Variants in MRC2 observed in about 807,000 individuals in gnomAD.
MRC2 encodes the protein mannose receptor C-type 2.
In MRC2, 84 loss-of-function variants were observed where a neutral mutation model predicts 206.2. The observed-to-expected ratio is 0.41, with a 90% CI of 0.34 to 0.49. MRC2 has a LOEUF of 0.49. Among genes scored for constraint, MRC2 ranks in the 20% least tolerant of loss-of-function variants. MRC2 has a pLI of 0.31. For missense variants in MRC2, 1,676 were observed against 2,001.5 expected, an observed-to-expected ratio of 0.84 and a Z score of 3.10; for synonymous variants, 798 against 800.0, an observed-to-expected ratio of 1.00 and a Z score of 0.04.
intron 23 of MRC2, 113 bp downstream of exon 23, chr17:62,689,073 T>A: frequency 1.2e-6 from 1 of 853,556 alleles, no homozygotes; most frequent in Non-Finnish European, 1.9e-6. Context: ...GGGCTCTGCT[T>A]GGGAAGCAGA....
Position 62,680,681 on chromosome 17 carries a change from G to A in MRC2, c.2474-119G>A. ...GGCACGGTGCCTGCCTGGGTCCGGT[G>A]TGCCTGCAGGCTCGCCTGCTGCCGC... On this transcript the variant is annotated intron_variant, in intron 16 of 29. Coordinates refer to ENST00000303375, the MANE Select transcript of MRC2 (RefSeq NM_006039.5). The surrounding 1 kb of genome is among the most constrained non-coding windows in gnomAD (Gnocchi z 4.8). The A allele has an allele frequency of 2.3e-6, 3 of 1,326,828 alleles. No homozygotes were observed. Among genetic ancestry groups the A allele is most frequent in the Non-Finnish European group, 2.0e-6 (2 of 1,009,562 alleles). The allele number at this position is 1,326,828 out of a possible 1,614,324, so 82.2% of individuals were successfully genotyped here.
chr17:62,689,726 G>T lies in MRC2; in HGVS notation c.3539G>T (p.Arg1180Leu). The T allele has an allele frequency of 6.4e-7, 1 of 1,561,576 alleles. No homozygotes were observed. Residue 1180 changes from arginine to leucine, a missense_variant, in exon 24 of 30, where the codon CGC (arginine) becomes CTC (leucine). Arg to Leu is a moderately radical substitution (Grantham distance 102, BLOSUM62 -2). Around this residue, in one of 3 missense-constraint regions of MRC2, gnomAD observed 1,354 missense variants for 1,636.6 expected, o/e 0.83. Transcript: ENST00000303375. ...AFLTQAARGL[R>L]TPLWIGLAGE... is the part of the protein sequence containing the mutation. ...CTCACGCAGGCTGCCCGAGGGCTGC[G>T]CACGCCGCTCTGGATTGGGCTGGCT...
chr17:62,685,796 C>T (rs1029074739), intron 20 of MRC2, among the ~76,000 whole-genome samples: 8 of 152,216 alleles, frequency 5.3e-5, no homozygotes, highest in African/African-American at 1.9e-4. Flanking sequence ...CCTGCCTTGG[C>T]CTTCCAAAGG....
intron 6 of MRC2, among the ~76,000 whole-genome samples, chr17:62,669,085 AACACACACACACAC>A (rs72222842): frequency 4.2e-5 from 6 of 143,160 alleles, no homozygotes; most frequent in Admixed American, 1.4e-4. Context: ...AAAATATGGC[AACACACACACACAC>A]ACACACACAC....
rs369586707 is a variant in MRC2 at position 62,689,788 on chromosome 17, C to T, written c.3573+28C>T. 2.5e-3 allele frequency: 3,813 copies of T among 1,531,818 alleles called. 6 individuals carry two copies. Among genetic ancestry groups the T allele is most frequent in the Non-Finnish European group, 2.9e-3 (3,265 of 1,138,272 alleles). 94.9% of individuals were successfully genotyped at this position (1,531,818 alleles called of 1,614,324 possible). ...GGGCTCCCGACACTTTTGCCCTGGG[C>T]CCCAGCCTTGCCCGGGTTCCCCTCC... On this transcript the variant is annotated intron_variant, in intron 24 of 29. Transcript: ENST00000303375.
rs561448630 is a variant in MRC2 at position 62,646,311 on chromosome 17, A to C, written c.119-18237A>C. 3.2e-3 allele frequency among the ~76,000 whole-genome samples: 481 copies of C among 151,658 alleles called. 2 individuals are homozygous for C. The highest frequency in any genetic ancestry group is 0.011 in the African/African-American group (450 of 41,284). On this transcript the variant is annotated intron_variant, in intron 1 of 29. Coordinates refer to ENST00000303375, the MANE Select transcript of MRC2 (RefSeq NM_006039.5). Reference sequence around the variant, plus strand: ...AGTGCTGGGATTACAGGCGTGAGCCACCGCGCCCGGCCCCCTCTCTCTCTT... The same window carrying C: ...AGTGCTGGGATTACAGGCGTGAGCCCCCGCGCCCGGCCCCCTCTCTCTCTT...
chr17:62,686,957 G>A (rs1035201597), intron 20 of MRC2, among the ~76,000 whole-genome samples: 18 of 152,188 alleles, frequency 1.2e-4, no homozygotes, highest in Non-Finnish European at 5.9e-5. Context: ...ATTATTAATA[G>A]TCACAGCTCT....
intron 1 of MRC2, among the ~76,000 whole-genome samples, chr17:62,656,536 A>G (rs2088621389): frequency 6.6e-6 from 1 of 152,226 alleles, no homozygotes; most frequent in South Asian, 2.1e-4. Flanking sequence ...ATAAATGATT[A>G]TCATCTGTAT....
At chr17:62,674,278 G>A (rs1430818666) in intron 9 of MRC2, 108 bp downstream of exon 9, 18 of 752,476 alleles carry the variant, frequency 2.4e-5, no homozygotes, top group Non-Finnish European at 2.9e-5. Context: ...TCGCCCTCTC[G>A]TCGGCACCCC....
intron 13 of MRC2, 131 bp downstream of exon 13, chr17:62,678,777 C>T: frequency 7.6e-7 from 1 of 1,312,662 alleles, no homozygotes. Context: ...GGGAGGCCTG[C>T]ATCTGCTGCT....
intron 1 of MRC2, among the ~76,000 whole-genome samples, chr17:62,632,163 G>A (rs1352313965): frequency 6.6e-6 from 1 of 152,104 alleles, no homozygotes; most frequent in Admixed American, 6.5e-5. Flanking sequence ...CCAGTAAACG[G>A]CAGCTGGATG....
intron 18 of MRC2, 192 bp downstream of exon 18, chr17:62,681,321 T>C (rs775829361): frequency 1.2e-5 from 8 of 643,538 alleles, no homozygotes; most frequent in Non-Finnish European, 2.1e-5. Flanking sequence ...CCTGGTAAGA[T>C]TTTTGTGAAG....
Position 62,672,301 on chromosome 17 carries a change from C to T in MRC2, c.1461+149C>T. On this transcript the variant is annotated intron_variant, in intron 8 of 29. Coordinates refer to ENST00000303375, the MANE Select transcript of MRC2 (RefSeq NM_006039.5). The surrounding 1 kb of genome is among the most constrained non-coding windows in gnomAD (Gnocchi z 4.5). ...TCCCCCTCCTCCCCACCAATGCCTT[C>T]CCTTCCATGTGAGAGACTGCCGGGG... 1.1e-6 allele frequency: 1 copy of T among 919,568 alleles called. No individual in the cohort carries two copies. The highest frequency in any genetic ancestry group is 1.6e-6 in the Non-Finnish European group (1 of 608,828). The allele number at this position is 919,568 out of a possible 1,614,324, so 57.0% of individuals were successfully genotyped here.
rs2088286595 is a variant in MRC2 at position 62,634,420 on chromosome 17, C to A, written c.118+6500C>A. The stretch of plus-strand genomic sequence containing the variant: ...GGTTCAAGCAATTCTCCTGCCTCAG[C>A]CTCCCAAGTAGCTGGGACTGTAGGC... On this transcript the variant is annotated intron_variant, in intron 1 of 29. Coordinates refer to ENST00000303375, the MANE Select transcript of MRC2 (RefSeq NM_006039.5). Among the ~76,000 whole-genome samples the A allele has an allele frequency of 2.6e-5, 4 of 152,092 alleles. No homozygotes were observed. In the South Asian group the frequency reaches 8.3e-4, roughly 32 times the overall value.
chr17:62,678,077 T>C (rs188146289), intron 12 of MRC2, among the ~76,000 whole-genome samples: 1 of 152,236 alleles, frequency 6.6e-6, no homozygotes, highest in Non-Finnish European at 1.5e-5. Context: ...TAAATAAAGA[T>C]AAAAATCTAG....
intron 10 of MRC2, 121 bp from the exon 11 acceptor site, chr17:62,676,262 C>A (rs1373724274): frequency 1.8e-5 from 23 of 1,312,098 alleles, no homozygotes; most frequent in African/African-American, 3.0e-5. Context: ...GGCGTCCCTG[C>A]TTTCTTGAGC....
Position 62,652,373 on chromosome 17 carries a change from C to T in MRC2, c.119-12175C>T, listed in dbSNP as rs2088565770. The stretch of plus-strand genomic sequence containing the variant: ...GTTATGGAGTGGTGGCCGCTGTCGG[C>T]GATGGGGTCCCCGCGAGGGCACAAG... On this transcript the variant is annotated intron_variant, in intron 1 of 29. Coordinates refer to ENST00000303375, the MANE Select transcript of MRC2 (RefSeq NM_006039.5). The surrounding 1 kb of genome is among the most constrained non-coding windows in gnomAD (Gnocchi z 4.6). Among the ~76,000 whole-genome samples, 1 of 152,244 alleles carries T rather than the reference C, an allele frequency of 6.6e-6. No individual in the cohort carries two copies. The highest frequency in any genetic ancestry group is 1.5e-5 in the Non-Finnish European group (1 of 68,046).
In MRC2 at chr17:62,691,044, T is replaced by C; in HGVS notation, c.4108T>C (p.Tyr1370His). Residue 1370 changes from tyrosine to histidine, a missense_variant, in exon 28 of 30, where the codon TAC becomes CAC. Tyr to His is a moderately conservative substitution (Grantham distance 83, BLOSUM62 2). Transcript: ENST00000303375. ...CAGCATGCTGAGCCACAACAGCTGC[T>C]ACTGGATTCAGAGCAACAGCGGGCT... The part of the protein sequence containing the change: ...GPSMLSHNSC[Y>H]WIQSNSGLWR... 1 of 1,609,966 alleles carries C rather than the reference T, an allele frequency of 6.2e-7. No individual in the cohort carries two copies. Among genetic ancestry groups the C allele is most frequent in the Non-Finnish European group, 8.5e-7 (1 of 1,179,008 alleles).
At position 62,671,892 on chromosome 17, in the gene MRC2, C is replaced by CA; in HGVS notation, c.1306+56dup. 6.3e-7 allele frequency: 1 copy of CA among 1,591,188 alleles called. No homozygotes were observed. Among genetic ancestry groups the CA allele is most frequent in the African/African-American group, 1.3e-5 (1 of 74,716 alleles). On this transcript the variant is annotated intron_variant, in intron 7 of 29. Transcript: ENST00000303375. This position sits in a 1 kb window ranked among gnomAD's most constrained non-coding sequence, Gnocchi z 4.5. ...TGGAGGGCAGGGCCTCCCACTGCCC[C>CA]ACCCATCCTGTCCAGGAGCCTCAGA...
Sources: gnomAD v4.1 joint callset for allele counts (sites outside exome capture counted in the v4.1 genomes callset) on GRCh38, gnomAD v4.1.1 for gene constraint, gnomAD v4.1.1 regional missense constraint, Gnocchi (gnomAD v3.1) non-coding constraint, MANE v1.5 for transcripts, NCBI Gene and HGNC (gene_info 2026-07-23, HGNC 2026-07-21) for gene names.